Variants in CDK14 observed in about 807,000 individuals in gnomAD.
The protein encoded by CDK14 is cyclin dependent kinase 14, also known as cyclin-dependent kinase 14.
In CDK14, 34 loss-of-function variants were observed where a neutral mutation model predicts 60.7. The ratio of observed to expected loss-of-function variants is 0.56; its 90% CI spans 0.43 to 0.75. The LOEUF is 0.75. Ranked by LOEUF, CDK14 falls within the 30% of genes least tolerant of loss-of-function variation. CDK14 has a pLI of 0.00. For missense variants in CDK14, 482 were observed against 564.1 expected (o/e 0.85, Z 1.47); for synonymous variants, 197 against 203.7 (o/e 0.97, Z 0.28).
chr7:90,980,614 G>A (rs1227951690), intron 9 of CDK14, among the ~76,000 whole-genome samples: 1 of 152,082 alleles, frequency 6.6e-6, no homozygotes, highest in Admixed American at 6.5e-5. Context: ...ATGTTGATAT[G>A]TTTTATACAC....
At chr7:90,766,279 A>G (rs1465317439) in intron 4 of CDK14, among the ~76,000 whole-genome samples, 1 of 151,200 alleles carries the variant, frequency 6.6e-6, no homozygotes, top group East Asian at 2.0e-4. Context: ...TTTATTGAAC[A>G]CTCCATTTTT....
intron 12 of CDK14, among the ~76,000 whole-genome samples, chr7:91,109,862 G>C (rs1007912287): frequency 6.6e-6 from 1 of 152,052 alleles, no homozygotes; most frequent in African/African-American, 2.4e-5. Context: ...GAAAGATAAA[G>C]AGTGTCATGA....
chr7:91,189,681 G>A (rs1802299218), intron 14 of CDK14, among the ~76,000 whole-genome samples: 3 of 152,152 alleles, frequency 2.0e-5, no homozygotes, highest in Non-Finnish European at 4.4e-5. Flanking sequence ...GCTGTAAAGA[G>A]TGTCGATGTA....
At chr7:91,148,723 G>T (rs1296265854) in intron 14 of CDK14, among the ~76,000 whole-genome samples, 4 of 152,212 alleles carry the variant, frequency 2.6e-5, no homozygotes, top group African/African-American at 9.6e-5. Context: ...CCTGAGAGGG[G>T]TGTATAAATA....
chr7:90,683,075 A>C (rs1208177930), intron 2 of CDK14, among the ~76,000 whole-genome samples: 1 of 152,130 alleles, frequency 6.6e-6, no homozygotes, highest in Admixed American at 6.6e-5. Context: ...TTTTAATTCC[A>C]TACAGATGCC....
At chr7:90,815,973 G>A (rs550146443) in intron 5 of CDK14, among the ~76,000 whole-genome samples, 70 of 152,200 alleles carry the variant, frequency 4.6e-4, no homozygotes, top group African/African-American at 1.6e-3. Context: ...TGCATGCGGG[G>A]CTTAAGACCT....
chr7:90,615,603 G>A (rs908247947), intron 2 of CDK14, among the ~76,000 whole-genome samples: 4 of 152,096 alleles, frequency 2.6e-5, no homozygotes, highest in African/African-American at 9.7e-5. Flanking sequence ...GGAAAGAAGG[G>A]GGCTGAGTTG....
chr7:91,131,458 G>C (rs1422571000), intron 14 of CDK14, among the ~76,000 whole-genome samples: 1 of 152,120 alleles, frequency 6.6e-6, no homozygotes, highest in Non-Finnish European at 1.5e-5. Flanking sequence ...GGAGATCTGG[G>C]ACAGGTTCTC....
At chr7:90,840,691 G>C (rs796779686) in intron 5 of CDK14, among the ~76,000 whole-genome samples, 3 of 152,284 alleles carry the variant, frequency 2.0e-5, no homozygotes, top group African/African-American at 7.2e-5. Context: ...AATAGTCCAA[G>C]ATACCTTTCT....
chr7:90,874,544 C>T (rs1470659309), intron 6 of CDK14, among the ~76,000 whole-genome samples: 47 of 57,152 alleles, frequency 8.2e-4, no homozygotes, highest in Admixed American at 1.3e-3. Flanking sequence ...TTTTTTGAGA[C>T]GGAGTCTCGC....
At chr7:91,129,818 A>AT (rs1350580267) in intron 14 of CDK14, among the ~76,000 whole-genome samples, 2 of 152,112 alleles carry the variant, frequency 1.3e-5, no homozygotes, top group African/African-American at 4.8e-5. Flanking sequence ...AACAAATGTG[A>AT]TTTTTTTGAT....
At chr7:91,024,107 C>G (rs1371350880) in intron 10 of CDK14, among the ~76,000 whole-genome samples, 1 of 130,400 alleles carries the variant, frequency 7.7e-6, no homozygotes, top group Admixed American at 7.6e-5. Flanking sequence ...AGCAACCCAT[C>G]CAAAATGATG....
At chr7:90,984,277 G>T in intron 10 of CDK14, 36 bp downstream of exon 10, 2 of 1,381,936 alleles carry the variant, frequency 1.4e-6, no homozygotes, top group Non-Finnish European at 2.1e-6. Context: ...AGAAAAATTG[G>T]TTTCTAATTA....
At chr7:90,901,738 A>T (rs773448315) in intron 7 of CDK14, among the ~76,000 whole-genome samples, 18 of 151,988 alleles carry the variant, frequency 1.2e-4, no homozygotes, top group Non-Finnish European at 2.2e-4. Context: ...ACATCTGCAT[A>T]GTATAATACT....
intron 4 of CDK14, among the ~76,000 whole-genome samples, chr7:90,749,568 G>C (rs1177279123): frequency 6.6e-6 from 1 of 152,242 alleles, no homozygotes; most frequent in Non-Finnish European, 1.5e-5. Flanking sequence ...TGGAGCACCA[G>C]TTCACCTGGA....
chr7:90,606,742 A>T lies in CDK14; in HGVS notation c.123+2493A>T, dbSNP rs1024521550. On this transcript the variant is annotated intron_variant, in intron 2 of 14. Coordinates refer to ENST00000380050, the MANE Select transcript of CDK14 (RefSeq NM_001287135.2). ...TCCCTGAGTGTGTTGCTCGTAGTTA[A>T]CTTTCAGTACGTATCTATTGAATGT... is the stretch of plus-strand genomic sequence containing the variant. 7.2e-5 allele frequency among the ~76,000 whole-genome samples: 11 copies of T among 152,182 alleles called. No homozygotes were observed. The East Asian group carries it at 2.1e-3, about 29-fold the overall frequency.
intron 11 of CDK14, among the ~76,000 whole-genome samples, chr7:91,066,231 T>G (rs1797975383): frequency 6.6e-6 from 1 of 152,236 alleles, no homozygotes; most frequent in South Asian, 2.1e-4. Flanking sequence ...TTTATATTGA[T>G]TTATAAACTA....
chr7:90,895,209 A>T (rs1053910557), intron 6 of CDK14, among the ~76,000 whole-genome samples: 15 of 152,098 alleles, frequency 9.9e-5, no homozygotes, highest in Non-Finnish European at 1.5e-5. Flanking sequence ...TTTTATTTAG[A>T]AAAACATTTT....
At chr7:91,070,828 C>CAA (rs60407101) in intron 11 of CDK14, among the ~76,000 whole-genome samples, 9 of 140,238 alleles carry the variant, frequency 6.4e-5, no homozygotes, top group East Asian at 2.1e-4. Flanking sequence ...TAATTTTTAC[C>CAA]AAAAAAAAAA....
Sources: allele counts gnomAD v4.1 joint callset (sites outside exome capture counted in the v4.1 genomes callset), GRCh38; gene constraint gnomAD v4.1.1; transcripts MANE v1.5; gene names NCBI Gene and HGNC (gene_info 2026-07-23, HGNC 2026-07-21).